SCAF4: variants seen among roughly 807,000 people sequenced by gnomAD.
SCAF4 encodes SR-related and CTD-associated factor 4.
In SCAF4, 25 loss-of-function variants were observed where a neutral mutation model predicts 129.8. That is an observed-to-expected ratio of 0.19 (90% CI 0.14 to 0.27). The LOEUF is 0.27. Ranked by LOEUF, SCAF4 falls within the 10% of genes least tolerant of loss-of-function variation. The pLI is 1.00. For missense variants in SCAF4, 1,246 were observed against 1,457.1 expected (o/e 0.86, Z 2.36); for synonymous variants, 551 against 497.7 (o/e 1.11, Z -1.43).
At chr21:31,699,021 A>T (rs2050454526) in intron 7 of SCAF4, among the ~76,000 whole-genome samples, 1 of 152,142 alleles carries the variant, frequency 6.6e-6, no homozygotes, top group African/African-American at 2.4e-5. Context: ...AAAAAGTATG[A>T]GGGGGAGTTT....
At chr21:31,703,727 T>G in intron 4 of SCAF4, 38 bp downstream of exon 4, 1 of 1,118,918 alleles carries the variant, frequency 8.9e-7, no homozygotes, top group Non-Finnish European at 1.3e-6. Flanking sequence ...ATAATATTTT[T>G]TAAAGAATAC....
rs982926044 is a variant in SCAF4, at chr21:31,702,152, T to C, written c.457+92A>G. 5.4e-5 allele frequency: 82 copies of C among 1,532,234 alleles called. No homozygotes were observed. The South Asian group carries it at 5.7e-4, about 11-fold the overall frequency. The allele number at this position is 1,532,234 out of a possible 1,614,324, so 94.9% of individuals were successfully genotyped here. A position where few individuals can be genotyped will look rare whatever the true frequency, so the allele number is the denominator to read the frequency against. On this transcript the variant is annotated intron_variant, in intron 5 of 19. Transcript: ENST00000286835. Reference sequence around the variant, plus strand: ...GATGTAAACTCAAGTTTCCTTCTTATAGAAAAATTCCTTCAATACACATAA... The same window carrying C: ...GATGTAAACTCAAGTTTCCTTCTTACAGAAAAATTCCTTCAATACACATAA...
At chr21:31,693,068 A>G (rs1209281345) in intron 12 of SCAF4, among the ~76,000 whole-genome samples, 1 of 152,196 alleles carries the variant, frequency 6.6e-6, no homozygotes, top group East Asian at 1.9e-4. Context: ...ACATTCTGTA[A>G]ATTTTTGGTT....
chr21:31,721,886 A>C (rs1227684831), intron 1 of SCAF4, among the ~76,000 whole-genome samples: 3 of 151,864 alleles, frequency 2.0e-5, no homozygotes, highest in Non-Finnish European at 2.9e-5. Context: ...ACACCCAGCT[A>C]ATTTTGTCTT....
chr21:31,696,017 A>G (rs956642357), intron 9 of SCAF4, 96 bp downstream of exon 9: 3 of 721,106 alleles, frequency 4.2e-6, no homozygotes, highest in Non-Finnish European at 4.5e-6. Flanking sequence ...AGTACGACTT[A>G]GCCAATTACA....
chr21:31,684,189 A>AT (rs2050060810), intron 19 of SCAF4: 1 of 153,398 alleles, frequency 6.5e-6, no homozygotes, highest in East Asian at 1.9e-4. Flanking sequence ...AGGCATATGC[A>AT]TATACCTTTG....
intron 19 of SCAF4, among the ~76,000 whole-genome samples, chr21:31,683,804 C>A (rs1387366439): frequency 6.6e-6 from 1 of 151,982 alleles, no homozygotes; most frequent in Non-Finnish European, 1.5e-5. Context: ...GGAAGGTAGA[C>A]CTCTTAAGCA....
At chr21:31,695,563 A>G (rs1445007518) in intron 9 of SCAF4, among the ~76,000 whole-genome samples, 1 of 152,252 alleles carries the variant, frequency 6.6e-6, no homozygotes, top group Non-Finnish European at 1.5e-5. Flanking sequence ...TTATTTATGA[A>G]CTTTCAGTAA....
At chr21:31,700,908 T>C in intron 7 of SCAF4, 87 bp downstream of exon 7, 1 of 1,336,668 alleles carries the variant, frequency 7.5e-7, no homozygotes, top group African/African-American at 1.4e-5. Flanking sequence ...TAATGAACAA[T>C]CCACAGAAGG....
At chr21:31,717,826 CATATATATAT>C (rs796625672) in intron 1 of SCAF4, among the ~76,000 whole-genome samples, 5 of 110,248 alleles carry the variant, frequency 4.5e-5, no homozygotes, top group African/African-American at 1.7e-4. Context: ...AAACTGCTGC[CATATATATAT>C]ATATATACAC....
chr21:31,686,422 G>A (rs1402437309), intron 16 of SCAF4, among the ~76,000 whole-genome samples: 1 of 152,000 alleles, frequency 6.6e-6, no homozygotes, highest in Non-Finnish European at 1.5e-5. Context: ...ACAGGTCCTG[G>A]AGCCAAACTG....
intron 1 of SCAF4, among the ~76,000 whole-genome samples, chr21:31,730,743 A>T (rs1188489520): frequency 6.6e-6 from 1 of 152,218 alleles, no homozygotes; most frequent in Non-Finnish European, 1.5e-5. Flanking sequence ...TCTGACAAAT[A>T]GGATGTATGG....
At position 31,717,946 on chromosome 21, in the gene SCAF4, C is replaced by CACAT. The variant is rs1491481823; in HGVS notation, c.31-11590_31-11589insATGT. On this transcript the variant is annotated intron_variant, in intron 1 of 19. Coordinates refer to ENST00000286835, the MANE Select transcript of SCAF4 (RefSeq NM_020706.2). Reference sequence around the variant, plus strand: ...ACACACACACACACACACACACACACATATATATTTTTTTGAGATGGAGTT... The same window carrying CACAT: ...ACACACACACACACACACACACACACACATATATATATTTTTTTGAGATGGAGTT... Among the ~76,000 whole-genome samples, 510 of 118,594 alleles carry CACAT rather than the reference C, an allele frequency of 4.3e-3. 2 individuals are homozygous for CACAT. Among genetic ancestry groups the CACAT allele is most frequent in the Admixed American group, 6.2e-3 (76 of 12,210 alleles). The allele number at this position is 118,594 out of a possible 152,430, so 77.8% of individuals were successfully genotyped here.
intron 1 of SCAF4, among the ~76,000 whole-genome samples, chr21:31,726,895 T>C (rs902505773): frequency 6.6e-6 from 1 of 152,168 alleles, no homozygotes; most frequent in African/African-American, 2.4e-5. Flanking sequence ...GAATATTATA[T>C]ATTGTTTATG....
At chr21:31,689,252 T>C (rs1305915199) in intron 15 of SCAF4, among the ~76,000 whole-genome samples, 2 of 151,932 alleles carry the variant, frequency 1.3e-5, no homozygotes, top group African/African-American at 4.8e-5. Flanking sequence ...CATTGTTTCA[T>C]CTCTTTTTGG....
intron 19 of SCAF4, among the ~76,000 whole-genome samples, chr21:31,679,911 C>G (rs1385788362): frequency 6.6e-6 from 1 of 152,088 alleles, no homozygotes; most frequent in Non-Finnish European, 1.5e-5. Context: ...TGACAAAGTG[C>G]AATAGCTATG....
At chr21:31,688,189 A>G (rs1021314961) in intron 16 of SCAF4, 118 bp downstream of exon 16, 1 of 627,522 alleles carries the variant, frequency 1.6e-6, no homozygotes, top group Non-Finnish European at 2.5e-6. Flanking sequence ...TGAAAAATGT[A>G]ATATGCACAT....
In SCAF4 at chr21:31,701,082, G is replaced by A; in HGVS notation, c.690C>T (p.Ile230=). 1.2e-6 allele frequency: 2 copies of A among 1,614,038 alleles called. No individual in the cohort carries two copies. Among genetic ancestry groups the A allele is most frequent in the Non-Finnish European group, 1.7e-6 (2 of 1,179,976 alleles). The part of the protein sequence containing the change: ...DNAVMAQVQA[I]TAQLKTTPTQ... ...TAGGAGTTGTCTTTAACTGAGCTGT[G>A]ATAGCCTGAACCTGAGCCATCACAG... The change falls in exon 7 of 20, where the codon ATC becomes ATT. Residue 230 remains isoleucine (I), a synonymous_variant. Transcript: ENST00000286835.
rs1184614495 is a variant in SCAF4, at chr21:31,695,094, C to T, written c.1069-114G>A. On this transcript the variant is annotated intron_variant, in intron 9 of 19. Transcript: ENST00000286835. ...AAGTTTGATCAAGGAAAAGTTACAACGACATTCAACATTGTTTAACAATTT... is the reference window on the plus strand; with the variant it reads ...AAGTTTGATCAAGGAAAAGTTACAATGACATTCAACATTGTTTAACAATTT... The T allele has an allele frequency of 2.0e-5, 16 of 789,688 alleles. 1 individual carries two copies. Among genetic ancestry groups the T allele is most frequent in the South Asian group, 3.8e-5 (2 of 53,306 alleles). The allele number at this position is 789,688 out of a possible 1,614,324, so 48.9% of individuals were successfully genotyped here.
Sources: allele counts gnomAD v4.1 joint callset (sites outside exome capture counted in the v4.1 genomes callset), GRCh38; gene constraint gnomAD v4.1.1; transcripts MANE v1.5; gene names NCBI Gene and HGNC (gene_info 2026-07-23, HGNC 2026-07-21).